The following TAFA1 variants were observed in gnomAD, a reference collection of about 807,000 sequenced individuals.
TAFA1 encodes chemokine-like protein TAFA-1.
TAFA1 carries 4 observed loss-of-function variants against 18.5 expected under a neutral mutation model. The ratio of observed to expected loss-of-function variants is 0.22; its 90% CI spans 0.11 to 0.49. The LOEUF is 0.49. Among genes scored for constraint, TAFA1 ranks in the 20% least tolerant of loss-of-function variants. The pLI is 0.98. For missense variants in TAFA1, 147 were observed against 169.0 expected (o/e 0.87, Z 0.72); for synonymous variants, 56 against 55.2 (o/e 1.01, Z -0.06).
At chr3:68,440,259 C>T (rs1203603570) in intron 3 of TAFA1, among the ~76,000 whole-genome samples, 2 of 152,178 alleles carry the variant, frequency 1.3e-5, no homozygotes, top group African/African-American at 4.8e-5. Flanking sequence ...ATGCCTTTCA[C>T]CTCCCACCAT....
chr3:68,385,116 C>A (rs1392698304), intron 2 of TAFA1, among the ~76,000 whole-genome samples: 1 of 151,904 alleles, frequency 6.6e-6, no homozygotes, highest in Non-Finnish European at 1.5e-5. Flanking sequence ...CCTTTCTTAA[C>A]CTCGCACTCC....
intron 3 of TAFA1, among the ~76,000 whole-genome samples, chr3:68,479,875 C>T (rs1042500381): frequency 1.1e-4 from 16 of 151,714 alleles, no homozygotes; most frequent in African/African-American, 2.9e-4. Flanking sequence ...CTCATACACA[C>T]GCATACACAC....
At chr3:68,007,563 C>T (rs1704380006) in intron 2 of TAFA1, among the ~76,000 whole-genome samples, 1 of 151,980 alleles carries the variant, frequency 6.6e-6, no homozygotes, top group Admixed American at 6.6e-5. Context: ...TATCAGCCTT[C>T]GCATCCTTCT....
At chr3:68,404,846 G>A (rs1414576123) in intron 2 of TAFA1, among the ~76,000 whole-genome samples, 1 of 151,510 alleles carries the variant, frequency 6.6e-6, no homozygotes, top group Non-Finnish European at 1.5e-5. Flanking sequence ...TTTGAGATCA[G>A]TTTATGGCTC....
intron 2 of TAFA1, among the ~76,000 whole-genome samples, chr3:68,110,513 G>A (rs539343062): frequency 2.0e-5 from 3 of 152,204 alleles, no homozygotes; most frequent in African/African-American, 7.2e-5. Flanking sequence ...GGATTGCTGG[G>A]TCAAATAGTA....
chr3:68,010,626 A>G (rs112077265), intron 2 of TAFA1, among the ~76,000 whole-genome samples: 27 of 152,298 alleles, frequency 1.8e-4, no homozygotes, highest in Non-Finnish European at 2.5e-4. Context: ...TTTCATATTT[A>G]TAGTATTAGG....
intron 3 of TAFA1, among the ~76,000 whole-genome samples, chr3:68,442,616 A>G (rs1167852074): frequency 1.3e-5 from 2 of 152,160 alleles, no homozygotes; most frequent in Non-Finnish European, 2.9e-5. Flanking sequence ...ATGAAGGAAA[A>G]AAGAAAGAGG....
intron 2 of TAFA1, among the ~76,000 whole-genome samples, chr3:68,191,469 G>A (rs1297367532): frequency 6.6e-6 from 1 of 151,746 alleles, no homozygotes; most frequent in Non-Finnish European, 1.5e-5. Context: ...GCACACTAAC[G>A]ATGCTAAGCT....
At chr3:68,036,091 G>C (rs1705041205) in intron 2 of TAFA1, among the ~76,000 whole-genome samples, 1 of 152,122 alleles carries the variant, frequency 6.6e-6, no homozygotes, top group Non-Finnish European at 1.5e-5. Context: ...TGGGATACTG[G>C]CTGTAGTTAC....
intron 2 of TAFA1, among the ~76,000 whole-genome samples, chr3:68,380,286 A>T (rs541784080): frequency 6.6e-6 from 1 of 152,300 alleles, no homozygotes; most frequent in East Asian, 1.9e-4. Flanking sequence ...TATACGCAGT[A>T]ATGGGATGGC....
chr3:68,321,021 A>T (rs1250696321), intron 2 of TAFA1, among the ~76,000 whole-genome samples: 1 of 152,192 alleles, frequency 6.6e-6, no homozygotes, highest in African/African-American at 2.4e-5. Context: ...CACAGACTAT[A>T]TTACAGAATG....
At chr3:68,265,554 G>T (rs1268698431) in intron 2 of TAFA1, among the ~76,000 whole-genome samples, 1 of 152,160 alleles carries the variant, frequency 6.6e-6, no homozygotes, top group Admixed American at 6.6e-5. Context: ...GTTTTGATAT[G>T]TCCCACTAGG....
At chr3:68,381,717 C>A (rs1025891662) in intron 2 of TAFA1, among the ~76,000 whole-genome samples, 2 of 152,162 alleles carry the variant, frequency 1.3e-5, no homozygotes, top group South Asian at 2.1e-4. Context: ...CATCTGCAAA[C>A]AGGGACAATT....
intron 2 of TAFA1, among the ~76,000 whole-genome samples, chr3:68,148,017 C>T (rs2106915562): frequency 6.6e-6 from 1 of 152,302 alleles, no homozygotes; most frequent in East Asian, 1.9e-4. Context: ...TGAGAAAAAG[C>T]AGGACTCTGC....
chr3:68,419,870 C>T (rs1222371846), intron 3 of TAFA1, among the ~76,000 whole-genome samples: 1 of 152,144 alleles, frequency 6.6e-6, no homozygotes, highest in African/African-American at 2.4e-5. Flanking sequence ...TCAGCCAAAC[C>T]TCGTGGAATT....
intron 2 of TAFA1, among the ~76,000 whole-genome samples, chr3:68,305,694 C>T (rs2068405655): frequency 6.6e-6 from 1 of 151,394 alleles, no homozygotes; most frequent in East Asian, 2.0e-4. Context: ...TGCCTTATAC[C>T]TCTAGTGGGT....
intron 2 of TAFA1, among the ~76,000 whole-genome samples, chr3:68,284,048 C>T (rs972528093): frequency 1.3e-5 from 2 of 152,128 alleles, no homozygotes; most frequent in Non-Finnish European, 2.9e-5. Context: ...TGTCATTAGG[C>T]TTTTGATATT....
chr3:68,195,459 C>G (rs952845343), intron 2 of TAFA1, among the ~76,000 whole-genome samples: 7 of 150,498 alleles, frequency 4.7e-5, no homozygotes, highest in African/African-American at 1.7e-4. Context: ...CATTCTGTCT[C>G]TAAACATCAG....
At chr3:68,264,879 G>C (rs1559587828) in intron 2 of TAFA1, among the ~76,000 whole-genome samples, 1 of 152,048 alleles carries the variant, frequency 6.6e-6, no homozygotes, top group Non-Finnish European at 1.5e-5. Context: ...TTGCATCTGA[G>C]AAGACAGAGA....
Sources: allele counts gnomAD v4.1 joint callset (sites outside exome capture counted in the v4.1 genomes callset), GRCh38; gene constraint gnomAD v4.1.1; transcripts MANE v1.5; gene names NCBI Gene and HGNC (gene_info 2026-07-23, HGNC 2026-07-21).